Variants in PSMD4 observed in about 807,000 individuals in gnomAD.
The protein encoded by PSMD4 is proteasome 26S subunit ubiquitin receptor, non-ATPase 4.
In PSMD4, 5 loss-of-function variants were observed where a neutral mutation model predicts 39.7. The observed-to-expected ratio is 0.13, with a 90% CI of 0.07 to 0.26. PSMD4 has a LOEUF of 0.26. Ranked by LOEUF, PSMD4 falls within the 10% of genes least tolerant of loss-of-function variation. PSMD4 has a pLI of 1.00. For synonymous variants in PSMD4, 143 were observed against 174.6 expected (o/e 0.82, Z 1.43); for missense variants, 272 against 486.1 (o/e 0.56, Z 4.14).
At chr1:151,261,683 G>T (rs370466280) in intron 1 of PSMD4, among the ~76,000 whole-genome samples, 5 of 152,108 alleles carry the variant, frequency 3.3e-5, no homozygotes, top group African/African-American at 1.2e-4. Context: ...TGGGCACCAG[G>T]TGGCTCACAC....
chr1:151,264,725 T>C, intron 3 of PSMD4, 107 bp from the exon 4 acceptor site: 1 of 825,502 alleles, frequency 1.2e-6, no homozygotes. Flanking sequence ...TGGTAGATGG[T>C]GTACTTCAGG....
At chr1:151,258,190 A>AT (rs1206167956) in intron 1 of PSMD4, among the ~76,000 whole-genome samples, 3 of 149,704 alleles carry the variant, frequency 2.0e-5, no homozygotes, top group Non-Finnish European at 4.5e-5. Flanking sequence ...TGCCCGGGTA[A>AT]TTTTTTTCTG....
Position 151,264,001 on chromosome 1 carries a change from C to T in PSMD4, c.255C>T (p.Thr85=). 6.2e-7 allele frequency: 1 copy of T among 1,603,486 alleles called. No individual in the cohort carries two copies. The highest frequency in any genetic ancestry group is 8.5e-7 in the Non-Finnish European group (1 of 1,174,956). The part of the protein sequence containing the change: ...LHTVQPKGKI[T]FCTGIRVAHL... ...CTGTCCAACCCAAGGGCAAGATCAC[C>T]TTCTGCACGGGCATCCGCGTGGCCC... The change falls in exon 3 of 10, where the codon ACC becomes ACT. Residue 85 remains threonine (T), a synonymous_variant. Transcript: ENST00000368884.
intron 2 of PSMD4, 93 bp downstream of exon 2, chr1:151,262,394 C>T (rs1693337501): frequency 2.0e-6 from 3 of 1,466,356 alleles, no homozygotes; most frequent in Non-Finnish European, 1.9e-6. Flanking sequence ...TTGCCCATCA[C>T]CTTCCTAGAC....
chr1:151,260,395 C>G (rs1244276277), intron 1 of PSMD4, among the ~76,000 whole-genome samples: 1 of 152,108 alleles, frequency 6.6e-6, no homozygotes, highest in Non-Finnish European at 1.5e-5. Flanking sequence ...TTATATTTCA[C>G]ATTAGCTGGA....
chr1:151,266,110 A>G lies in PSMD4; in HGVS notation c.761A>G (p.Glu254Gly). ...AEAGIATTGT[E>G]DSDDALLKMT... ...GCCGGGATTGCTACGACTGGGACTG[A>G]AGGTGAAAGAGGTGGAATCCGAAGT... is the stretch of plus-strand genomic sequence containing the variant. Residue 254 changes from glutamate to glycine, a missense_variant and splice_region_variant, in exon 7 of 10, where the codon GAA (glutamate) becomes GGA (glycine). By Grantham distance (98) the Glu-to-Gly change is moderately conservative. Transcript: ENST00000368884. 1 of 1,603,732 alleles carries G rather than the reference A, an allele frequency of 6.2e-7. No homozygotes were observed. The highest frequency in any genetic ancestry group is 8.5e-7 in the Non-Finnish European group (1 of 1,175,180).
intron 3 of PSMD4, among the ~76,000 whole-genome samples, chr1:151,264,379 C>G (rs148312022): frequency 0.02 from 2,982 of 151,390 alleles, 103 homozygotes; most frequent in African/African-American, 0.068. Context: ...GTGGCTCACA[C>G]CTGTAATCCC....
Position 151,265,520 on chromosome 1 carries a change from T to C in PSMD4, c.565T>C (p.Leu189=). 4 of 1,614,194 alleles carry C rather than the reference T, an allele frequency of 2.5e-6. No individual in the cohort carries two copies. The highest frequency in any genetic ancestry group is 3.4e-6 in the Non-Finnish European group (4 of 1,180,034). The change falls in exon 6 of 10, where the codon TTG becomes CTG. Residue 189 remains leucine (L), a synonymous_variant. Coordinates refer to ENST00000368884, the MANE Select transcript of PSMD4 (RefSeq NM_002810.4). ...TGATGCTCTCATCAGTTCTCCGATT[T>C]TGGCTGGTGAAGGTGGTGCCATGCT... The part of the protein sequence containing the change: ...LADALISSPI[L]AGEGGAMLGL...
Position 151,265,469 on chromosome 1 carries a change from A to G in PSMD4, c.514A>G (p.Thr172Ala), listed in dbSNP as rs1693410233. 18 of 1,614,200 alleles carry G rather than the reference A, an allele frequency of 1.1e-5. No individual in the cohort carries two copies. Among genetic ancestry groups the G allele is most frequent in the Non-Finnish European group, 1.5e-5 (18 of 1,180,030 alleles). The change falls in exon 6 of 10, where the codon ACA becomes GCA. Residue 172 changes from threonine to alanine, a missense_variant. By Grantham distance (58) the Thr-to-Ala change is moderately conservative (BLOSUM62 0). Coordinates refer to ENST00000368884, the MANE Select transcript of PSMD4 (RefSeq NM_002810.4). ...GKDGTGSHLV[T>A]VPPGPSLADA... is the part of the protein sequence containing the mutation. ...AGATGGAACCGGTTCTCATCTGGTG[A>G]CAGTGCCTCCTGGGCCCAGTTTGGC...
intron 1 of PSMD4, among the ~76,000 whole-genome samples, chr1:151,258,474 TGG>T (rs758824089): frequency 3.7e-3 from 349 of 95,098 alleles, no homozygotes; most frequent in Middle Eastern, 7.9e-3. Context: ...TTTTTTTTTT[TGG>T]GGGAGACAGG....
At chr1:151,256,406 C>T (rs1257621150) in intron 1 of PSMD4, among the ~76,000 whole-genome samples, 3 of 147,682 alleles carry the variant, frequency 2.0e-5, no homozygotes, top group African/African-American at 7.4e-5. Context: ...AATAAAGTGT[C>T]TGATGTCTGT....
intron 1 of PSMD4, 103 bp downstream of exon 1, chr1:151,254,911 G>A (rs908046412): frequency 5.1e-6 from 7 of 1,359,538 alleles, no homozygotes; most frequent in Non-Finnish European, 6.7e-6. Flanking sequence ...TCATGGGCGA[G>A]AGGCGGCCCT....
rs1350542793 is a variant in PSMD4, at chr1:151,256,356, ATAATAAT to A, written c.26+1549_26+1555del. 6.0e-3 allele frequency among the ~76,000 whole-genome samples: 433 copies of A among 71,608 alleles called. 14 individuals are homozygous for A. Among genetic ancestry groups the A allele is most frequent in the South Asian group, 0.011 (28 of 2,550 alleles). The allele number at this position is 71,608 out of a possible 152,430, so 47.0% of individuals were successfully genotyped here. A position where few individuals can be genotyped will look rare whatever the true frequency, so the allele number is the denominator to read the frequency against. ...GAGACTCCCTCTCAAAAAAAAAAAA[ATAATAAT>A]AAAATAAATAAATAAATAAATAAAT... On this transcript the variant is annotated intron_variant, in intron 1 of 9. Transcript: ENST00000368884.
Position 151,266,912 on chromosome 1 carries a change from A to G in PSMD4, c.964-261A>G, listed in dbSNP as rs144949189. On this transcript the variant is annotated intron_variant, in intron 9 of 9. Transcript: ENST00000368884. Reference sequence around the variant, plus strand: ...GGTGTCTTGAGAGCAGGAAACCTCAATGTGATGGCATCTGTTTTTCTCCTC... The same window carrying G: ...GGTGTCTTGAGAGCAGGAAACCTCAGTGTGATGGCATCTGTTTTTCTCCTC... 1,083 of 705,036 alleles carry G rather than the reference A, an allele frequency of 1.5e-3. 10 individuals carry two copies. The African/African-American group carries it at 0.016, about 10-fold the overall frequency. 43.7% of individuals were successfully genotyped at this position (705,036 alleles called of 1,614,324 possible).
At chr1:151,257,626 C>A (rs1161273171) in intron 1 of PSMD4, among the ~76,000 whole-genome samples, 2 of 151,264 alleles carry the variant, frequency 1.3e-5, no homozygotes. Flanking sequence ...CGGCTCATTG[C>A]AACCTCCGCC....
rs587643070 is a variant in PSMD4, at chr1:151,261,059, C to T, written c.27-1102C>T. On this transcript the variant is annotated intron_variant, in intron 1 of 9. Transcript: ENST00000368884. ...CGGGGTTTCACAATGTTAGCCAACA[C>T]TGGTCTCTAACTCCTGACTTCAGGT... Among the ~76,000 whole-genome samples the T allele has an allele frequency of 6.6e-5, 10 of 151,930 alleles. No individual in the cohort carries two copies. In the East Asian group the frequency reaches 1.4e-3, roughly 21 times the overall value.
At chr1:151,257,430 G>T (rs1273315521) in intron 1 of PSMD4, among the ~76,000 whole-genome samples, 1 of 151,960 alleles carries the variant, frequency 6.6e-6, no homozygotes, top group African/African-American at 2.4e-5. Context: ...GCTCTTTGTT[G>T]GTTCCATATG....
At position 151,263,764 on chromosome 1, in the gene PSMD4, G is replaced by A. The variant is rs587658024; in HGVS notation, c.168-150G>A. ...GAGAATGGCGTGAACCCGGGAGGCG[G>A]AGCTTGCAGTGACCCGAGATCACGC... is the stretch of plus-strand genomic sequence containing the variant. On this transcript the variant is annotated intron_variant, in intron 2 of 9. Coordinates refer to ENST00000368884, the MANE Select transcript of PSMD4 (RefSeq NM_002810.4). 3.0e-5 allele frequency: 14 copies of A among 474,172 alleles called. No individual in the cohort carries two copies. The South Asian group carries it at 4.0e-4, about 14-fold the overall frequency. 29.4% of individuals were successfully genotyped at this position (474,172 alleles called of 1,614,324 possible).
chr1:151,262,419 T>G (rs2101838438), intron 2 of PSMD4, 118 bp downstream of exon 2: 1 of 1,281,286 alleles, frequency 7.8e-7, no homozygotes, highest in Non-Finnish European at 1.1e-6. Context: ...TTCTGCACTA[T>G]TTAGTGTAAA....
Sources: allele counts gnomAD v4.1 joint callset (sites outside exome capture counted in the v4.1 genomes callset), GRCh38; gene constraint gnomAD v4.1.1; transcripts MANE v1.5; gene names NCBI Gene and HGNC (gene_info 2026-07-23, HGNC 2026-07-21).